The following ACSL6 variants were observed in gnomAD, a reference collection of about 807,000 sequenced individuals.
ACSL6 encodes the protein acyl-CoA synthetase long chain family member 6.
In ACSL6, 47 loss-of-function variants were observed where a neutral mutation model predicts 98.2. The observed-to-expected ratio is 0.48, with a 90% CI of 0.38 to 0.61. The LOEUF (loss-of-function observed/expected upper bound fraction) is 0.61. ACSL6 is among the 20% of genes least tolerant of loss of function. The pLI, the probability that ACSL6 is intolerant of heterozygous loss-of-function variation, is 0.00. For synonymous variants in ACSL6, 362 were observed against 336.9 expected, an observed-to-expected ratio of 1.07 and a Z score of -0.82; for missense variants, 761 against 913.4, an observed-to-expected ratio of 0.83 and a Z score of 2.15.
At chr5:131,987,554 A>G (rs1754265683) in intron 7 of ACSL6, among the ~76,000 whole-genome samples, 1 of 152,224 alleles carries the variant, frequency 6.6e-6, no homozygotes. Context: ...CTTGGAGGCC[A>G]GGATGTCCTG....
chr5:131,972,627 G>T, intron 13 of ACSL6, 97 bp downstream of exon 13: 2 of 1,355,738 alleles, frequency 1.5e-6, no homozygotes, highest in Non-Finnish European at 2.0e-6. Flanking sequence ...TATTTCACAT[G>T]ATTACAGGGC....
At chr5:131,991,691 T>G (rs935549115) in intron 2 of ACSL6, among the ~76,000 whole-genome samples, 3 of 152,060 alleles carry the variant, frequency 2.0e-5, no homozygotes, top group African/African-American at 7.2e-5. Context: ...CCTTCTACCC[T>G]GTCACCCTTC....
intron 1 of ACSL6, among the ~76,000 whole-genome samples, chr5:131,998,574 G>A (rs1311607135): frequency 1.3e-5 from 2 of 152,068 alleles, no homozygotes; most frequent in Admixed American, 1.3e-4. Flanking sequence ...ACTGGCCCTG[G>A]GGACCCTGAC....
In ACSL6 at chr5:131,994,022, C is replaced by T. The variant is rs1375038543; in HGVS notation, c.270+9G>A. The T allele has an allele frequency of 6.2e-7, 1 of 1,612,890 alleles. No homozygotes were observed. Among genetic ancestry groups the T allele is most frequent in the Non-Finnish European group, 8.5e-7 (1 of 1,179,848 alleles). On this transcript the variant is annotated intron_variant, in intron 2 of 20. Coordinates refer to ENST00000651883, the MANE Select transcript of ACSL6 (RefSeq NM_001009185.3). ...CTTTCCGCAGTGGAACGTCTCCTAT[C>T]CTGCTCACCTCTACTTCTTCTGACT...
intron 4 of ACSL6, 50 bp downstream of exon 4, chr5:131,990,050 T>G: frequency 6.3e-7 from 1 of 1,595,912 alleles, no homozygotes; most frequent in Non-Finnish European, 8.6e-7. Flanking sequence ...CTGCCCTGAG[T>G]GCCAGATCTG....
intron 10 of ACSL6, chr5:131,975,816 T>C (rs1433918295): frequency 3.0e-6 from 3 of 985,328 alleles, no homozygotes; most frequent in Non-Finnish European, 3.6e-6. Flanking sequence ...CTCCACCCCT[T>C]TGCAGAGGCC....
chr5:132,012,153 G>C, upstream of ACSL6: 1 of 492,442 alleles, frequency 2.0e-6, no homozygotes, highest in Non-Finnish European at 3.4e-6. Flanking sequence ...CCTAGGACCC[G>C]AGTTTGCAGA....
chr5:131,956,185 TA>T (rs1053204643), intron 20 of ACSL6, among the ~76,000 whole-genome samples: 11 of 152,160 alleles, frequency 7.2e-5, no homozygotes, highest in African/African-American at 2.7e-4. Flanking sequence ...CAGAAACTAC[TA>T]AAAAATACAG....
chr5:131,986,441 GAC>G (rs1257932979), intron 8 of ACSL6, among the ~76,000 whole-genome samples: 1 of 152,236 alleles, frequency 6.6e-6, no homozygotes. Flanking sequence ...GATGAACAAA[GAC>G]AGCAGATGCC....
chr5:131,981,003 C>T (rs1753858829), intron 9 of ACSL6, among the ~76,000 whole-genome samples: 1 of 152,162 alleles, frequency 6.6e-6, no homozygotes, highest in South Asian at 2.1e-4. Flanking sequence ...GACTCTGACT[C>T]CCACTCCACA....
chr5:131,959,876 G>A, intron 19 of ACSL6: 4 of 481,422 alleles, frequency 8.3e-6, no homozygotes, highest in South Asian at 7.1e-5. Context: ...GGTCAGCCTG[G>A]TGAGTCTTGC....
chr5:132,009,386 T>C (rs765879350), intron 1 of ACSL6, among the ~76,000 whole-genome samples: 1 of 152,208 alleles, frequency 6.6e-6, no homozygotes, highest in Non-Finnish European at 1.5e-5. Context: ...CATGGGACCC[T>C]GGAGATGACA....
At chr5:131,998,063 G>A (rs925276681) in intron 1 of ACSL6, among the ~76,000 whole-genome samples, 21 of 152,118 alleles carry the variant, frequency 1.4e-4, no homozygotes, top group Non-Finnish European at 2.6e-4. Flanking sequence ...GGCCTCCTCT[G>A]ACCTCCACAC....
chr5:131,962,654 G>T lies in ACSL6; in HGVS notation c.1738C>A (p.Arg580=), dbSNP rs906232409. The T allele has an allele frequency of 1.7e-5, 28 of 1,613,874 alleles. No individual in the cohort carries two copies. Among genetic ancestry groups the T allele is most frequent in the Non-Finnish European group, 2.4e-5 (28 of 1,179,962 alleles). The change falls in exon 18 of 21, where the codon CGG becomes AGG. Residue 580 remains arginine, a synonymous_variant. Transcript: ENST00000651883. ...GCAAGTTTAAATATATGCTTTTTCC[G>T]ATCAATAATTTTAAGAGTTCCTGCC... The part of the protein sequence containing the change: ...LPAGTLKIID[R]KKHIFKLAQG...
intron 1 of ACSL6, among the ~76,000 whole-genome samples, chr5:132,007,368 T>C (rs1275409574): frequency 6.6e-6 from 1 of 152,260 alleles, no homozygotes; most frequent in Non-Finnish European, 1.5e-5. Flanking sequence ...ACAGGTCCCT[T>C]GGCCTGGAAT....
At chr5:131,985,198 G>C (rs1467241634) in intron 9 of ACSL6, 2 of 616,742 alleles carry the variant, frequency 3.2e-6, no homozygotes, top group African/African-American at 3.6e-5. Context: ...CCTCACACTG[G>C]ACCTCCCAAT....
At chr5:131,987,930 T>A (rs966191035) in intron 7 of ACSL6, 118 bp downstream of exon 7, 3 of 1,345,660 alleles carry the variant, frequency 2.2e-6, no homozygotes, top group Admixed American at 2.0e-5. Context: ...TGGACACTGA[T>A]ATACCCTGCG....
rs762495676 is a variant in ACSL6, at chr5:131,988,202, T to C, written c.677A>G (p.Asp226Gly). Reference sequence around the variant, plus strand: ...CAGAAGCACAGCCTTCTGAGGTTTGTCCACAATCACGGTGCTGATGTCCGC... The same window carrying C: ...CAGAAGCACAGCCTTCTGAGGTTTGCCCACAATCACGGTGCTGATGTCCGC... ...NTADISTVIV[D>G]KPQKAVLLLE... Residue 226 changes from aspartate (D) to glycine (G), a missense_variant, in exon 7 of 21, where the codon GAC (aspartate) becomes GGC (glycine). Physicochemically the swap from Asp to Gly is moderately conservative, Grantham distance 94 (BLOSUM62 -1). Coordinates refer to ENST00000651883, the MANE Select transcript of ACSL6 (RefSeq NM_001009185.3). The C allele has an allele frequency of 6.2e-7, 1 of 1,614,112 alleles. No individual in the cohort carries two copies. Among genetic ancestry groups the C allele is most frequent in the Non-Finnish European group, 8.5e-7 (1 of 1,180,010 alleles).
intron 20 of ACSL6, among the ~76,000 whole-genome samples, chr5:131,957,921 G>A (rs116367867): frequency 1.5e-3 from 233 of 152,314 alleles, no homozygotes; most frequent in African/African-American, 5.5e-3. Flanking sequence ...AAAGGCGACA[G>A]CCTTGGCAAT....
Sources: gnomAD v4.1 joint callset for allele counts (sites outside exome capture counted in the v4.1 genomes callset) on GRCh38, gnomAD v4.1.1 for gene constraint, MANE v1.5 for transcripts, NCBI Gene and HGNC (gene_info 2026-07-23, HGNC 2026-07-21) for gene names.